MALRD1: variants seen among roughly 807,000 people sequenced by gnomAD.
The protein encoded by MALRD1 is MAM and LDL-receptor class A domain-containing protein 1.
Under a neutral mutation model 242.1 loss-of-function variants are expected in MALRD1, and 247 were observed. The ratio of observed to expected loss-of-function variants is 1.02; its 90% CI spans 0.92 to 1.13. The LOEUF is 1.13. MALRD1 is among the 50% of genes most tolerant of loss of function. MALRD1 has a pLI of 0.00. For synonymous variants in MALRD1, 995 were observed against 866.6 expected (o/e 1.15, Z -2.60); for missense variants, 2,989 against 2,533.1 (o/e 1.18, Z -3.86).
At chr10:19,303,362 C>G (rs1239578655) in intron 21 of MALRD1, among the ~76,000 whole-genome samples, 1 of 151,530 alleles carries the variant, frequency 6.6e-6, no homozygotes, top group East Asian at 1.9e-4. Flanking sequence ...TTGGGTATCT[C>G]TTATAACTTA....
intron 4 of MALRD1, among the ~76,000 whole-genome samples, chr10:19,098,876 G>A (rs1392285356): frequency 6.6e-6 from 1 of 152,138 alleles, no homozygotes; most frequent in Non-Finnish European, 1.5e-5. Flanking sequence ...TTATAGATGA[G>A]CTTGAGGAAG....
At chr10:19,148,832 TC>T (rs1833825689) in intron 11 of MALRD1, among the ~76,000 whole-genome samples, 2 of 146,306 alleles carry the variant, frequency 1.4e-5, no homozygotes, top group Non-Finnish European at 3.0e-5. Flanking sequence ...AGTCAACATC[TC>T]TTTACCCATG....
At chr10:19,548,929 C>T (rs554281507) in intron 32 of MALRD1, among the ~76,000 whole-genome samples, 19 of 152,266 alleles carry the variant, frequency 1.2e-4, no homozygotes, top group African/African-American at 4.6e-4. Flanking sequence ...CGTCTTGCTC[C>T]AAACAGCTAG....
intron 1 of MALRD1, among the ~76,000 whole-genome samples, chr10:19,056,475 AT>A (rs1210584239): frequency 2.0e-5 from 3 of 151,652 alleles, no homozygotes; most frequent in Non-Finnish European, 2.9e-5. Flanking sequence ...AGTTTTCTAA[AT>A]TTTTTTGGAT....
At chr10:19,602,369 C>T (rs1382303003) in intron 34 of MALRD1, among the ~76,000 whole-genome samples, 3 of 137,598 alleles carry the variant, frequency 2.2e-5, no homozygotes, top group South Asian at 4.8e-4. Context: ...TGACAGGCCC[C>T]GGTGTGTGAT....
At chr10:19,650,291 A>G (rs1768704766) in intron 36 of MALRD1, among the ~76,000 whole-genome samples, 1 of 152,214 alleles carries the variant, frequency 6.6e-6, no homozygotes, top group African/African-American at 2.4e-5. Context: ...CGAACATGAA[A>G]TACAACACAA....
At chr10:19,408,895 CA>C (rs951638905) in intron 28 of MALRD1, among the ~76,000 whole-genome samples, 6 of 152,020 alleles carry the variant, frequency 3.9e-5, no homozygotes, top group African/African-American at 1.4e-4. Context: ...ACAAATAAAC[CA>C]AAAACTAAAC....
rs564482951 is a variant in MALRD1 at position 19,207,306 on chromosome 10, C to G, written c.2579-1962C>G. On this transcript the variant is annotated intron_variant, in intron 17 of 39. Coordinates refer to ENST00000454679, the MANE Select transcript of MALRD1 (RefSeq NM_001142308.3). ...ATACCATTTATTCTACAGTGAATAT[C>G]ATTTGAAAAATTGACACGTTCCTAT... is the stretch of plus-strand genomic sequence containing the variant. 1.9e-3 allele frequency among the ~76,000 whole-genome samples: 284 copies of G among 152,226 alleles called. 4 individuals are homozygous for G. Among genetic ancestry groups the G allele is most frequent in the African/African-American group, 6.6e-3 (274 of 41,546 alleles).
chr10:19,119,136 TGAGA>T (rs1384133991), intron 5 of MALRD1, among the ~76,000 whole-genome samples: 9 of 151,962 alleles, frequency 5.9e-5, no homozygotes, highest in African/African-American at 1.2e-4. Flanking sequence ...GCATGTTTGG[TGAGA>T]GAGAGAGAAA....
intron 36 of MALRD1, among the ~76,000 whole-genome samples, chr10:19,617,771 A>G (rs1369844219): frequency 6.6e-6 from 1 of 151,982 alleles, no homozygotes; most frequent in Non-Finnish European, 1.5e-5. Context: ...CATTTATTTT[A>G]GGTTCAGGGT....
At chr10:19,260,105 G>A (rs1839682251) in intron 19 of MALRD1, among the ~76,000 whole-genome samples, 1 of 152,132 alleles carries the variant, frequency 6.6e-6, no homozygotes, top group African/African-American at 2.4e-5. Flanking sequence ...ATATATTTTA[G>A]TTTAGTTTTA....
intron 33 of MALRD1, among the ~76,000 whole-genome samples, chr10:19,594,162 A>G (rs558976048): frequency 5.3e-4 from 80 of 152,296 alleles, no homozygotes; most frequent in East Asian, 9.7e-4. Context: ...AAAGTTTTCA[A>G]TTTACTGCAT....
intron 6 of MALRD1, among the ~76,000 whole-genome samples, 155 bp from the exon 7 acceptor site, chr10:19,124,369 C>T (rs1367258657): frequency 1.3e-5 from 2 of 152,134 alleles, no homozygotes; most frequent in East Asian, 1.9e-4. Context: ...CTGGTACACT[C>T]GAAGGCTTAT....
chr10:19,636,759 C>G (rs1189692798), intron 36 of MALRD1, among the ~76,000 whole-genome samples: 2 of 151,726 alleles, frequency 1.3e-5, no homozygotes, highest in Admixed American at 6.6e-5. Context: ...CTTAGCCAGG[C>G]GCGGTGGCAT....
At chr10:19,048,259 A>G (rs1460566489), upstream of MALRD1, among the ~76,000 whole-genome samples, 1 of 152,202 alleles carries the variant, frequency 6.6e-6, no homozygotes, top group Non-Finnish European at 1.5e-5. Context: ...GGTTGAAGTT[A>G]TATGATTTAT....
intron 28 of MALRD1, among the ~76,000 whole-genome samples, chr10:19,433,746 A>G (rs2496089): frequency 0.79 from 120,452 of 151,990 alleles, 48,410 homozygotes; most frequent in African/African-American, 0.93. Flanking sequence ...GGCTCAGTGA[A>G]AGTCATGCAT....
chr10:19,058,048 C>CAT (rs1659062054), intron 1 of MALRD1, among the ~76,000 whole-genome samples: 1 of 152,146 alleles, frequency 6.6e-6, no homozygotes, highest in Non-Finnish European at 1.5e-5. Flanking sequence ...GTATGCCAAG[C>CAT]ACTGTTAAAT....
At chr10:19,169,742 AAT>A (rs1834843293) in intron 13 of MALRD1, among the ~76,000 whole-genome samples, 1 of 152,232 alleles carries the variant, frequency 6.6e-6, no homozygotes, top group African/African-American at 2.4e-5. Flanking sequence ...TCTACCTACA[AAT>A]AGTTAATCTA....
chr10:19,409,173 T>G (rs1833164669), intron 28 of MALRD1, among the ~76,000 whole-genome samples: 1 of 152,192 alleles, frequency 6.6e-6, no homozygotes, highest in South Asian at 2.1e-4. Flanking sequence ...AACTATTGCA[T>G]GCAACAACCT....
Sources: gnomAD v4.1 joint callset for allele counts (sites outside exome capture counted in the v4.1 genomes callset) on GRCh38, gnomAD v4.1.1 for gene constraint, MANE v1.5 for transcripts, NCBI Gene and HGNC (gene_info 2026-07-23, HGNC 2026-07-21) for gene names.